The following TNK1 variants were observed in gnomAD, a reference collection of about 807,000 sequenced individuals.
TNK1 encodes the protein non-receptor tyrosine-protein kinase TNK1.
A neutral mutation model predicts 65.2 loss-of-function variants in TNK1; 53 were observed. That is an observed-to-expected ratio of 0.81 (90% CI 0.65 to 1.02). The LOEUF (loss-of-function observed/expected upper bound fraction) is 1.02, where lower values mean the gene tolerates loss of function less well. Among genes scored for constraint, TNK1 ranks in the 50% least tolerant of loss-of-function variants. The pLI, the probability that TNK1 is intolerant of heterozygous loss-of-function variation, is 0.00. For missense variants in TNK1, 837 were observed against 878.4 expected (o/e 0.95, Z 0.60); for synonymous variants, 353 against 364.6 (o/e 0.97, Z 0.36).
Position 7,387,372 on chromosome 17 carries a change from C to G in TNK1, c.1398-6C>G, listed in dbSNP as rs774607144. 3 of 1,599,720 alleles carry G rather than the reference C, an allele frequency of 1.9e-6. No individual in the cohort carries two copies. Among genetic ancestry groups the G allele is most frequent in the Non-Finnish European group, 2.6e-6 (3 of 1,173,524 alleles). On this transcript the variant is annotated splice_polypyrimidine_tract_variant and splice_region_variant and intron_variant, in intron 9 of 12. Coordinates refer to ENST00000688331, the MANE Select transcript of TNK1 (RefSeq NM_003985.6). Reference sequence around the variant, plus strand: ...GTGGAGGATGAACTGGATCCCTCTCCGACAGAGACAGAAAGAAGGCAAATC... The same window carrying G: ...GTGGAGGATGAACTGGATCCCTCTCGGACAGAGACAGAAAGAAGGCAAATC...
chr17:7,385,136 G>A (rs1239304618), intron 7 of TNK1, among the ~76,000 whole-genome samples: 1 of 152,124 alleles, frequency 6.6e-6, no homozygotes, highest in Non-Finnish European at 1.5e-5. Flanking sequence ...AGGCGGAGGT[G>A]GGCAGATCAC....
Position 7,383,041 on chromosome 17 carries a change from G to A in TNK1, c.115G>A (p.Asp39Asn), listed in dbSNP as rs200735706. ...ELNVTRPEHF[D>N]FVKPEDLDGI... is the part of the protein sequence containing the mutation. ...TAATGTCACTCGGCCAGAGCACTTC[G>A]ACTTTGTAAAGCCTGAGGACCTGGA... is the stretch of plus-strand genomic sequence containing the variant. Residue 39 changes from aspartate (D) to asparagine (N), a missense_variant, in exon 2 of 13, where the codon GAC (aspartate) becomes AAC (asparagine). Asp to Asn is a conservative substitution (Grantham distance 23). Coordinates refer to ENST00000688331, the MANE Select transcript of TNK1 (RefSeq NM_003985.6). 155 of 1,614,018 alleles carry A rather than the reference G, an allele frequency of 9.6e-5. No individual in the cohort carries two copies. Among genetic ancestry groups the A allele is most frequent in the Middle Eastern group, 3.3e-4 (2 of 6,062 alleles).
At position 7,383,843 on chromosome 17, in the gene TNK1, A is replaced by G; in HGVS notation, c.561A>G (p.Val187=). The G allele has an allele frequency of 1.2e-6, 2 of 1,610,680 alleles. No homozygotes were observed. Among genetic ancestry groups the G allele is most frequent in the Non-Finnish European group, 1.7e-6 (2 of 1,178,720 alleles). Residue 187 remains valine, a synonymous_variant, in exon 5 of 13, where the codon GTA becomes GTG. Transcript: ENST00000688331. The stretch of plus-strand genomic sequence containing the variant: ...ACGTGCTGCGTCTGCACGGCCTTGT[A>G]CTGGGCCAGCCTCTGCAGATGGTGA... ...HPHVLRLHGL[V]LGQPLQMVME...
rs907955923 is a variant in TNK1, at chr17:7,383,285, C to A, written c.199C>A (p.Arg67Ser). 2 of 1,614,028 alleles carry A rather than the reference C, an allele frequency of 1.2e-6. No individual in the cohort carries two copies. The highest frequency in any genetic ancestry group is 2.2e-5 in the East Asian group (1 of 44,890). Residue 67 changes from arginine to serine, a missense_variant, in exon 3 of 13, where the codon CGT becomes AGT. Coordinates refer to ENST00000688331, the MANE Select transcript of TNK1 (RefSeq NM_003985.6). The part of the protein sequence containing the change: ...RRLSEALKRL[R>S]SGPKSKNWVY... ...ACTGTCCGAAGCTCTGAAAAGGCTA[C>A]GTTCTGGGCCTAAGTCTAAGAACTG...
chr17:7,387,925 G>A (rs996557360), intron 10 of TNK1, among the ~76,000 whole-genome samples: 1 of 152,126 alleles, frequency 6.6e-6, no homozygotes, highest in Admixed American at 6.5e-5. Flanking sequence ...AATCTTAAAA[G>A]ATAGGAAGCC....
Position 7,387,172 on chromosome 17 carries a change from T to C in TNK1, c.1397+18T>C. The C allele has an allele frequency of 6.4e-7, 1 of 1,558,918 alleles. No homozygotes were observed. Among genetic ancestry groups the C allele is most frequent in the South Asian group, 1.2e-5 (1 of 82,762 alleles). On this transcript the variant is annotated intron_variant, in intron 9 of 12. Transcript: ENST00000688331. ...ATAGATGGGTGAGGACCTGAAAGGG[T>C]GAGGGCAGGGGTTGGCTGGGAGAAC...
Position 7,384,249 on chromosome 17 carries a change from G to A in TNK1, c.862G>A (p.Ala288Thr), listed in dbSNP as rs1283242373. The A allele has an allele frequency of 8.8e-6, 13 of 1,469,690 alleles. No individual in the cohort carries two copies. The highest frequency in any genetic ancestry group is 2.5e-5 in the East Asian group (1 of 39,628). 91.0% of individuals were successfully genotyped at this position (1,469,690 alleles called of 1,614,324 possible). The change falls in exon 6 of 13, where the codon GCC becomes ACC. Residue 288 changes from alanine (A) to threonine (T), a missense_variant. Coordinates refer to ENST00000688331, the MANE Select transcript of TNK1 (RefSeq NM_003985.6). ...GGGCGGGCCCCGCCCTATCCCCTAC[G>A]CCTGGTGAGAGCGGGTCCGCGGGCG... Reference protein sequence around the residue: ...VMGGPRPIPYAWCAPESLRHG... With the variant: ...VMGGPRPIPYTWCAPESLRHG...
In TNK1 at chr17:7,388,917, C is replaced by T. The variant is rs571745821; in HGVS notation, c.1872+34C>T. 1.3e-6 allele frequency: 2 copies of T among 1,563,972 alleles called. No homozygotes were observed. Among genetic ancestry groups the T allele is most frequent in the South Asian group, 2.4e-5 (2 of 85,056 alleles). On this transcript the variant is annotated intron_variant, in intron 12 of 12. Coordinates refer to ENST00000688331, the MANE Select transcript of TNK1 (RefSeq NM_003985.6). This position sits in a 1 kb window ranked among gnomAD's most constrained non-coding sequence, Gnocchi z 4.5. Reference sequence around the variant, plus strand: ...AGCCCCTTCTCTTGGGGTCCCTCCTCTCCTGCCCCTGCCGCCTGGCAGTCA... The same window carrying T: ...AGCCCCTTCTCTTGGGGTCCCTCCTTTCCTGCCCCTGCCGCCTGGCAGTCA...
intron 7 of TNK1, among the ~76,000 whole-genome samples, chr17:7,385,484 G>T (rs1567646760): frequency 6.6e-6 from 1 of 152,152 alleles, no homozygotes; most frequent in South Asian, 2.1e-4. Flanking sequence ...ACCTGTGCAG[G>T]ACACTGCACT....
Position 7,384,571 on chromosome 17 carries a change from C to T in TNK1, c.954C>T (p.Ser318=). ...GGGTGACGCTGTGGGAGATGTTCTC[C>T]GGGGGCGAGGAACCCTGGGCCGGGG... The part of the protein sequence containing the change: ...MFGVTLWEMF[S]GGEEPWAGVP... The change falls in exon 7 of 13, where the codon TCC becomes TCT. Residue 318 remains serine, a synonymous_variant. Transcript: ENST00000688331. 1 of 1,611,766 alleles carries T rather than the reference C, an allele frequency of 6.2e-7. No homozygotes were observed. The highest frequency in any genetic ancestry group is 8.5e-7 in the Non-Finnish European group (1 of 1,178,928).
rs1309719669 is a variant in TNK1, at chr17:7,384,478, C to G, written c.867-6C>G. ...CCGCCCCTTTCAGCTCCACTTCCTT[C>G]GGCAGGTGTGCCCCAGAGAGCCTGC... On this transcript the variant is annotated splice_region_variant and splice_polypyrimidine_tract_variant and intron_variant, in intron 6 of 12. Transcript: ENST00000688331. 2 of 1,531,184 alleles carry G rather than the reference C, an allele frequency of 1.3e-6. No individual in the cohort carries two copies. The highest frequency in any genetic ancestry group is 2.7e-5 in the African/African-American group (2 of 73,290). 94.8% of individuals were successfully genotyped at this position (1,531,184 alleles called of 1,614,324 possible).
Position 7,381,967 on chromosome 17 carries a change from C to T in TNK1, c.-92+853C>T, listed in dbSNP as rs373926177. ...GTGGCCGCATGCTGAAATGTCTCAGCGTTAAGACGACATATATCGGCCGGG... is the reference window on the plus strand; with the variant it reads ...GTGGCCGCATGCTGAAATGTCTCAGTGTTAAGACGACATATATCGGCCGGG... On this transcript the variant is annotated intron_variant, in intron 1 of 12. Transcript: ENST00000688331. Among the ~76,000 whole-genome samples, 12 of 152,328 alleles carry T rather than the reference C, an allele frequency of 7.9e-5. No homozygotes were observed. In the East Asian group the frequency reaches 1.2e-3, roughly 15 times the overall value.
rs116307967 is a variant in TNK1 at position 7,388,062 on chromosome 17, C to T, written c.1478-344C>T. Among the ~76,000 whole-genome samples, 3,689 of 152,278 alleles carry T rather than the reference C, an allele frequency of 0.024. 130 individuals are homozygous for T. Among genetic ancestry groups the T allele is most frequent in the African/African-American group, 0.082 (3,387 of 41,530 alleles). On this transcript the variant is annotated intron_variant, in intron 10 of 12. Coordinates refer to ENST00000688331, the MANE Select transcript of TNK1 (RefSeq NM_003985.6). The surrounding 1 kb of genome is among the most constrained non-coding windows in gnomAD (Gnocchi z 4.5). Reference sequence around the variant, plus strand: ...CTTATTGTCCCACCTGACACATGAACCACCCAGGGACAGGGCTGGCTAGCT... The same window carrying T: ...CTTATTGTCCCACCTGACACATGAATCACCCAGGGACAGGGCTGGCTAGCT...
rs1350712774 is a variant in TNK1 at position 7,386,562 on chromosome 17, C to G, written c.1139C>G (p.Ala380Gly). 4 of 1,598,924 alleles carry G rather than the reference C, an allele frequency of 2.5e-6. No individual in the cohort carries two copies. Among genetic ancestry groups the G allele is most frequent in the Admixed American group, 3.5e-5 (2 of 57,808 alleles). ...FSHLEGLLQE[A>G]GPSEACCVRD... ...CACCCTTTCCTCTTGTCTCCACAGG[C>G]CGGGCCTTCGGAAGCATGTTGTGTG... Residue 380 changes from alanine (A) to glycine (G), a missense_variant and splice_region_variant, in exon 8 of 13, where the codon GCC becomes GGC. Ala to Gly is a moderately conservative substitution (Grantham distance 60). Transcript: ENST00000688331.
At chr17:7,385,723 C>A (rs12937133) in intron 7 of TNK1, among the ~76,000 whole-genome samples, 2 of 151,766 alleles carry the variant, frequency 1.3e-5, no homozygotes, top group South Asian at 4.2e-4. Context: ...TGCCACCACG[C>A]CTGGCTAATT....
chr17:7,383,475 C>T lies in TNK1; in HGVS notation c.285C>T (p.Asp95=), dbSNP rs1904954168. The change falls in exon 4 of 13, where the codon GAC becomes GAT. Residue 95 remains aspartate, a synonymous_variant. Transcript: ENST00000688331. The part of the protein sequence containing the change: ...PEHKEPTLPS[D]SPRHLPEPEG... ...ACAAGGAGCCCACCCTGCCCTCGGA[C>T]AGCCCACGGCACCTCCCTGAGCCAG... The T allele has an allele frequency of 6.2e-7, 1 of 1,613,840 alleles. No homozygotes were observed. The highest frequency in any genetic ancestry group is 8.5e-7 in the Non-Finnish European group (1 of 1,179,902).
chr17:7,388,555 C>A lies in TNK1; in HGVS notation c.1627C>A (p.Gln543Lys), dbSNP rs2143163852. The A allele has an allele frequency of 6.2e-7, 1 of 1,614,016 alleles. No homozygotes were observed. Among genetic ancestry groups the A allele is most frequent in the East Asian group, 2.2e-5 (1 of 44,878 alleles). The change falls in exon 11 of 13, where the codon CAG becomes AAG. Residue 543 changes from glutamine to lysine, a missense_variant. By Grantham distance (53) the Gln-to-Lys change is moderately conservative (BLOSUM62 1). Transcript: ENST00000688331. This position sits in a 1 kb window ranked among gnomAD's most constrained non-coding sequence, Gnocchi z 4.5. ...CCCACCTTTATCCTCTAGCTCTCCT[C>A]AGCCCAGCCAGCCCTCTAGGGAGAG... ...PRPPLSSSSP[Q>K]PSQPSRERLP... is the part of the protein sequence containing the mutation.
rs751075469 is a variant in TNK1 at position 7,386,623 on chromosome 17, G to T, written c.1200G>T (p.Glu400Asp). The T allele has an allele frequency of 1.2e-6, 2 of 1,601,460 alleles. No homozygotes were observed. Among genetic ancestry groups the T allele is most frequent in the Non-Finnish European group, 8.5e-7 (1 of 1,174,024 alleles). ...DVTEPGALRM[E>D]TGDPITVIEG... The stretch of plus-strand genomic sequence containing the variant: ...CAGAACCAGGCGCCCTGAGGATGGA[G>T]ACTGGTGACCCCATCACAGTCATCG... The change falls in exon 8 of 13, where the codon GAG (glutamate) becomes GAT (aspartate). Residue 400 changes from glutamate (E) to aspartate (D), a missense_variant. Glu to Asp is a conservative substitution (Grantham distance 45). Coordinates refer to ENST00000688331, the MANE Select transcript of TNK1 (RefSeq NM_003985.6).
In TNK1 at chr17:7,384,116, C is replaced by T; in HGVS notation, c.729C>T (p.His243=). The T allele has an allele frequency of 6.5e-7, 1 of 1,548,614 alleles. No homozygotes were observed. The part of the protein sequence containing the change: ...MAYLGARGLV[H]RDLATRNLLL... The stretch of plus-strand genomic sequence containing the variant: ...ACCTGGGGGCCCGCGGGCTGGTGCA[C>T]CGAGACCTCGCTACGCGCAACCTAC... Residue 243 remains histidine (H), a synonymous_variant, in exon 6 of 13, where the codon CAC becomes CAT. Transcript: ENST00000688331.
Sources: gnomAD v4.1 joint callset for allele counts (sites outside exome capture counted in the v4.1 genomes callset) on GRCh38, gnomAD v4.1.1 for gene constraint, Gnocchi (gnomAD v3.1) non-coding constraint, MANE v1.5 for transcripts, NCBI Gene and HGNC (gene_info 2026-07-23, HGNC 2026-07-21) for gene names.